Variants in KAT14 observed in about 807,000 individuals in gnomAD.
KAT14 encodes the protein lysine acetyltransferase 14.
A neutral mutation model predicts 78.4 loss-of-function variants in KAT14; 66 were observed. That is an observed-to-expected ratio of 0.84 (90% CI 0.69 to 1.03). KAT14 has a LOEUF of 1.03. KAT14 is among the 50% of genes least tolerant of loss of function. The pLI, the probability that KAT14 is intolerant of heterozygous loss-of-function variation, is 0.00. For missense variants in KAT14, 870 were observed against 972.5 expected (o/e 0.89, Z 1.40); for synonymous variants, 344 against 359.4 (o/e 0.96, Z 0.48).
chr20:18,159,596 A>G (rs2038346356), intron 5 of KAT14, among the ~76,000 whole-genome samples: 2 of 152,234 alleles, frequency 1.3e-5, no homozygotes, highest in African/African-American at 2.4e-5. Flanking sequence ...ATGAATTCCC[A>G]TGTACCTTCC....
At chr20:18,141,686 C>A (rs1303342769) in intron 1 of KAT14, among the ~76,000 whole-genome samples, 1 of 152,114 alleles carries the variant, frequency 6.6e-6, no homozygotes, top group African/African-American at 2.4e-5. Flanking sequence ...GAGTTCGAGA[C>A]CAGCTTGGCT....
In KAT14 at chr20:18,164,613, TG is replaced by T. The variant is rs1555803119; in HGVS notation, c.1668+1669del. On this transcript the variant is annotated intron_variant, in intron 7 of 10. Coordinates refer to ENST00000688188, the MANE Select transcript of KAT14 (RefSeq NM_001392073.1). ...TGTTAGTCATCTATTCACTTGTTCTTGTTCTTTTTTTTTTTTTTTTTGAGAC... is the reference window on the plus strand; with the variant it reads ...TGTTAGTCATCTATTCACTTGTTCTTTTCTTTTTTTTTTTTTTTTTGAGAC... Among the ~76,000 whole-genome samples the T allele has an allele frequency of 1.9e-3, 55 of 29,494 alleles. 1 individual carries two copies. Among genetic ancestry groups the T allele is most frequent in the South Asian group, 4.8e-3 (3 of 620 alleles). The allele number at this position is 29,494 out of a possible 152,430, so 19.3% of individuals were successfully genotyped here.
chr20:18,163,127 A>G (rs2038510405), intron 7 of KAT14, among the ~76,000 whole-genome samples, 182 bp downstream of exon 7: 1 of 152,240 alleles, frequency 6.6e-6, no homozygotes, highest in South Asian at 2.1e-4. Flanking sequence ...AGAATTGTTC[A>G]TTGTAAGTAC....
intron 3 of KAT14, among the ~76,000 whole-genome samples, chr20:18,148,629 G>A (rs1349650455): frequency 6.8e-6 from 1 of 147,810 alleles, no homozygotes; most frequent in African/African-American, 2.5e-5. Context: ...TTTTTTTTGA[G>A]ATGGAGTTTC....
Position 18,144,779 on chromosome 20 carries a change from GTGT to G in KAT14, c.260-447_260-445del, listed in dbSNP as rs947459579. On this transcript the variant is annotated intron_variant, in intron 2 of 10. Transcript: ENST00000688188. Reference sequence around the variant, plus strand: ...TGCACTGTGAGCATGGAGAACCACTGTGTTGTTGTGATCACCTGTTTTCTATGC... The same window carrying G: ...TGCACTGTGAGCATGGAGAACCACTGTGTTGTGATCACCTGTTTTCTATGC... Among the ~76,000 whole-genome samples the G allele has an allele frequency of 2.0e-4, 30 of 152,336 alleles. 1 individual carries two copies. Among genetic ancestry groups the G allele is most frequent in the African/African-American group, 6.3e-4 (26 of 41,582 alleles).
At chr20:18,137,408 A>G (rs1405369861), upstream of KAT14, among the ~76,000 whole-genome samples, 1 of 152,132 alleles carries the variant, frequency 6.6e-6, no homozygotes, top group Non-Finnish European at 1.5e-5. Context: ...CAAAAACTCC[A>G]CGGATGGGAA....
intron 1 of KAT14, among the ~76,000 whole-genome samples, chr20:18,138,826 G>A (rs1200032817): frequency 6.6e-6 from 1 of 152,068 alleles, no homozygotes; most frequent in Non-Finnish European, 1.5e-5. Flanking sequence ...ATTACTGTGT[G>A]GAAGCTACCT....
At chr20:18,165,893 T>G (rs529918729) in intron 7 of KAT14, among the ~76,000 whole-genome samples, 28 of 152,236 alleles carry the variant, frequency 1.8e-4, no homozygotes, top group African/African-American at 6.7e-4. Flanking sequence ...CATCATCAGC[T>G]GGTCTTTGGG....
At position 18,145,282 on chromosome 20, in the gene KAT14, G is replaced by T. The variant is rs200083646; in HGVS notation, c.309G>T (p.Arg103Ser). Residue 103 changes from arginine (R) to serine (S), a missense_variant, in exon 3 of 11, where the codon AGG becomes AGT. Coordinates refer to ENST00000688188, the MANE Select transcript of KAT14 (RefSeq NM_001392073.1). ...LSYLKGDNFF[R>S]FTCSDCSADG... ...ACCTTAAGGGTGATAATTTTTTTAG[G>T]TTTACTTGTTCGGATTGCTCAGCAG... is the stretch of plus-strand genomic sequence containing the variant. 5.6e-6 allele frequency: 9 copies of T among 1,614,116 alleles called. No homozygotes were observed. The Admixed American group carries it at 1.0e-4, about 18-fold the overall frequency.
intron 4 of KAT14, among the ~76,000 whole-genome samples, chr20:18,158,115 T>A (rs1189575652): frequency 6.6e-6 from 1 of 152,148 alleles, no homozygotes; most frequent in Non-Finnish European, 1.5e-5. Context: ...TTTGTATTTT[T>A]AGTAGAGACG....
At chr20:18,160,579 G>A (rs1365195871) in intron 5 of KAT14, among the ~76,000 whole-genome samples, 2 of 151,824 alleles carry the variant, frequency 1.3e-5, no homozygotes, top group African/African-American at 4.8e-5. Flanking sequence ...CTACCTTTTT[G>A]TTGCTATTTT....
rs531730606 is a variant in KAT14 at position 18,146,425 on chromosome 20, T to C, written c.378+1074T>C. Among the ~76,000 whole-genome samples, 131 of 152,122 alleles carry C rather than the reference T, an allele frequency of 8.6e-4. 5 individuals carry two copies. The South Asian group carries it at 0.026, about 30-fold the overall frequency. ...CTGTAATCCCAGCACTTTGGGAGGC[T>C]GAGGGAGGCAGATCACCTGAGGTCG... On this transcript the variant is annotated intron_variant, in intron 3 of 10. Coordinates refer to ENST00000688188, the MANE Select transcript of KAT14 (RefSeq NM_001392073.1).
rs369150247 is a variant in KAT14 at position 18,183,526 on chromosome 20, T to C, written c.1981+228T>C. The C allele has an allele frequency of 2.0e-4, 195 of 985,212 alleles. No individual in the cohort carries two copies. In the African/African-American group the frequency reaches 3.0e-3, roughly 15 times the overall value. 61.0% of individuals were successfully genotyped at this position (985,212 alleles called of 1,614,324 possible). ...TTTGTTTCTCTTCCCTGTTTGTCTCTGTTTCCAGAGTAAAAGATTCATCCT... is the reference window on the plus strand; with the variant it reads ...TTTGTTTCTCTTCCCTGTTTGTCTCCGTTTCCAGAGTAAAAGATTCATCCT... On this transcript the variant is annotated intron_variant, in intron 9 of 10. Transcript: ENST00000688188.
At chr20:18,180,574 A>G (rs886235421) in intron 7 of KAT14, among the ~76,000 whole-genome samples, 3 of 152,208 alleles carry the variant, frequency 2.0e-5, no homozygotes, top group Admixed American at 6.6e-5. Flanking sequence ...TTATTATATT[A>G]GTCTGTCTTC....
intron 2 of KAT14, 25 bp downstream of exon 2, chr20:18,142,944 A>C (rs2037644277): frequency 6.2e-7 from 1 of 1,607,968 alleles, no homozygotes; most frequent in Non-Finnish European, 8.5e-7. Flanking sequence ...AATTCCTTTG[A>C]TTTGTCAATT....
intron 2 of KAT14, among the ~76,000 whole-genome samples, chr20:18,143,484 G>A (rs1263049080): frequency 7.0e-5 from 9 of 129,352 alleles, no homozygotes; most frequent in Non-Finnish European, 1.5e-4. Flanking sequence ...TTTTTTTTTT[G>A]AGATGGAGTT....
At position 18,162,471 on chromosome 20, in the gene KAT14, G is replaced by A; in HGVS notation, c.1194G>A (p.Gly398=). 1.2e-6 allele frequency: 2 copies of A among 1,614,092 alleles called. No individual in the cohort carries two copies. The highest frequency in any genetic ancestry group is 1.7e-6 in the Non-Finnish European group (2 of 1,180,024). Residue 398 remains glycine (G), a synonymous_variant, in exon 7 of 11, where the codon GGG becomes GGA. Coordinates refer to ENST00000688188, the MANE Select transcript of KAT14 (RefSeq NM_001392073.1). ...AGSVASGPVV[G]VRKKVRGPEQ... ...CAGTAGCTTCTGGGCCAGTGGTTGG[G>A]GTCAGAAAGAAGGTCAGAGGCCCTG...
At chr20:18,176,009 A>C (rs1303508309) in intron 7 of KAT14, among the ~76,000 whole-genome samples, 2 of 151,064 alleles carry the variant, frequency 1.3e-5, no homozygotes, top group South Asian at 4.2e-4. Flanking sequence ...CTGTCTCAAA[A>C]AAAAAAAAAA....
chr20:18,142,177 T>C, intron 1 of KAT14, 31 bp from the exon 2 acceptor site: 1 of 1,531,554 alleles, frequency 6.5e-7, no homozygotes, highest in South Asian at 1.2e-5. Context: ...CTGTTCGGGA[T>C]GTTACTGAAA....
Sources: gnomAD v4.1 joint callset for allele counts (sites outside exome capture counted in the v4.1 genomes callset) on GRCh38, gnomAD v4.1.1 for gene constraint, MANE v1.5 for transcripts, NCBI Gene and HGNC (gene_info 2026-07-23, HGNC 2026-07-21) for gene names.